Variants in SEPTIN14 observed in about 807,000 individuals in gnomAD.
The protein encoded by SEPTIN14 is septin-14.
A neutral mutation model predicts 53.6 loss-of-function variants in SEPTIN14; 40 were observed. That is an observed-to-expected ratio of 0.75 (90% CI 0.58 to 0.97). The LOEUF is 0.97. Ranked by LOEUF, SEPTIN14 falls within the 50% of genes least tolerant of loss-of-function variation. The pLI, the probability that SEPTIN14 is intolerant of heterozygous loss-of-function variation, is 0.00. For synonymous variants in SEPTIN14, 138 were observed against 166.8 expected, an observed-to-expected ratio of 0.83 and a Z score of 1.33; for missense variants, 471 against 508.2, an observed-to-expected ratio of 0.93 and a Z score of 0.70.
chr7:55,811,496 C>CTT (rs1170803437), intron 7 of SEPTIN14: 1,930 of 180,466 alleles, frequency 0.011, 2 homozygotes, highest in East Asian at 0.024. Context: ...TTTTACAGTT[C>CTT]TTTTTTTTTT....
rs562666630 is a variant in SEPTIN14 at position 55,806,709 on chromosome 7, C to T, written c.986+381G>A. On this transcript the variant is annotated intron_variant, in intron 8 of 9. Coordinates refer to ENST00000388975, the MANE Select transcript of SEPTIN14 (RefSeq NM_207366.3). ...AATACCTGACCTTAGATGATCCGCC[C>T]GCCTCAGCCTCCCAAAGTGCTGGGA... Among the ~76,000 whole-genome samples the T allele has an allele frequency of 4.0e-5, 6 of 150,314 alleles. No individual in the cohort carries two copies. In the East Asian group the frequency reaches 8.0e-4, roughly 20 times the overall value.
chr7:55,857,655 T>C (rs1433881225), intron 2 of SEPTIN14, among the ~76,000 whole-genome samples: 1 of 131,330 alleles, frequency 7.6e-6, no homozygotes, highest in East Asian at 2.7e-4. Flanking sequence ...TGGCACGATC[T>C]CGGCTCACTG....
At chr7:55,845,541 A>C (rs937770494) in intron 3 of SEPTIN14, among the ~76,000 whole-genome samples, 4 of 152,188 alleles carry the variant, frequency 2.6e-5, no homozygotes, top group Non-Finnish European at 4.4e-5. Flanking sequence ...CAAGAGAGTT[A>C]ATTTCAAATG....
chr7:55,819,078 A>C (rs1788844986), intron 7 of SEPTIN14, 49 bp downstream of exon 7: 2 of 974,046 alleles, frequency 2.1e-6, no homozygotes, highest in Non-Finnish European at 3.2e-6. Context: ...TGAGTGATAC[A>C]CATATATTTA....
intron 6 of SEPTIN14, among the ~76,000 whole-genome samples, chr7:55,833,616 G>A (rs188580415): frequency 1.3e-5 from 2 of 151,892 alleles, no homozygotes; most frequent in African/African-American, 2.4e-5. Flanking sequence ...GCTGAGGCAG[G>A]AGAATCACTT....
intron 9 of SEPTIN14, among the ~76,000 whole-genome samples, chr7:55,796,706 G>A (rs555613787): frequency 6.6e-6 from 1 of 152,154 alleles, no homozygotes; most frequent in South Asian, 2.1e-4. Context: ...CTTGAGTCCA[G>A]GAGTTCAAGA....
rs771499064 is a variant in SEPTIN14, at chr7:55,844,591, G to T, written c.303C>A (p.Ser101Arg). Residue 101 changes from serine (S) to arginine (R), a missense_variant, in exon 4 of 10, where the codon AGC becomes AGA. Coordinates refer to ENST00000388975, the MANE Select transcript of SEPTIN14 (RefSeq NM_207366.3). ...LQIQTYELQE[S>R]NVQLKLTVVE... Reference sequence around the variant, plus strand: ...CAACAGTCAATTTCAACTGAACATTGCTTTCCTGAAGTTCATATGTCTGAA... The same window carrying T: ...CAACAGTCAATTTCAACTGAACATTTCTTTCCTGAAGTTCATATGTCTGAA... 6.2e-7 allele frequency: 1 copy of T among 1,609,248 alleles called. No homozygotes were observed.
At chr7:55,814,271 T>A (rs996701811) in intron 7 of SEPTIN14, among the ~76,000 whole-genome samples, 3 of 152,010 alleles carry the variant, frequency 2.0e-5, no homozygotes. Flanking sequence ...ACAATAAATA[T>A]CTAACTCTTC....
Position 55,835,765 on chromosome 7 carries a change from C to T in SEPTIN14, c.559-1179G>A, listed in dbSNP as rs897948223. Among the ~76,000 whole-genome samples the T allele has an allele frequency of 6.6e-5, 10 of 151,956 alleles. No homozygotes were observed. In the South Asian group the frequency reaches 1.2e-3, roughly 19 times the overall value. ...TACCATATTCTTTCTTTTTTTGAGG[C>T]GGAATCTTGCTCTGTCGCCCAGGCT... On this transcript the variant is annotated intron_variant, in intron 5 of 9. Coordinates refer to ENST00000388975, the MANE Select transcript of SEPTIN14 (RefSeq NM_207366.3).
chr7:55,809,722 A>G (rs1408273777), intron 7 of SEPTIN14, among the ~76,000 whole-genome samples: 1 of 150,224 alleles, frequency 6.7e-6, no homozygotes, highest in Non-Finnish European at 1.5e-5. Flanking sequence ...CATGCAATTT[A>G]TCTATATAAC....
intron 2 of SEPTIN14, among the ~76,000 whole-genome samples, chr7:55,858,990 C>T (rs1194461390): frequency 1.3e-5 from 2 of 151,622 alleles, no homozygotes; most frequent in East Asian, 2.0e-4. Flanking sequence ...GTCCAGTTTT[C>T]AGCCTCCAAA....
intron 5 of SEPTIN14, among the ~76,000 whole-genome samples, chr7:55,834,887 C>T (rs370743538): frequency 6.6e-6 from 1 of 152,212 alleles, no homozygotes; most frequent in South Asian, 2.1e-4. Context: ...CCTCGTGATC[C>T]GCCTGCCCCG....
At position 55,832,770 on chromosome 7, in the gene SEPTIN14, G is replaced by A. The variant is rs117020009; in HGVS notation, c.720+1655C>T. On this transcript the variant is annotated intron_variant, in intron 6 of 9. Coordinates refer to ENST00000388975, the MANE Select transcript of SEPTIN14 (RefSeq NM_207366.3). ...GGGAGAGACTGGGAGGAGGCCGATG[G>A]TCAAAATATTATCTATTGGTAGTGA... Among the ~76,000 whole-genome samples the A allele has an allele frequency of 5.6e-3, 848 of 152,122 alleles. 5 individuals carry two copies. The highest frequency in any genetic ancestry group is 0.012 in the Admixed American group (181 of 15,264).
intron 5 of SEPTIN14, among the ~76,000 whole-genome samples, chr7:55,837,816 C>G (rs539227317): frequency 2.0e-5 from 3 of 152,336 alleles, no homozygotes; most frequent in Non-Finnish European, 4.4e-5. Context: ...CTCCTGACCT[C>G]AGGTGATCTA....
intron 9 of SEPTIN14, chr7:55,798,417 C>A: frequency 4.1e-6 from 1 of 246,898 alleles, no homozygotes; most frequent in South Asian, 5.4e-5. Flanking sequence ...CTGGGCCCCT[C>A]AGGGGAGCCC....
chr7:55,847,133 G>A (rs1181167323), intron 2 of SEPTIN14, among the ~76,000 whole-genome samples: 2 of 152,016 alleles, frequency 1.3e-5, no homozygotes, highest in African/African-American at 4.8e-5. Context: ...ACTTCAACCC[G>A]GGAGGGGGAG....
chr7:55,853,547 T>G (rs894517645), intron 2 of SEPTIN14, among the ~76,000 whole-genome samples: 15 of 151,994 alleles, frequency 9.9e-5, no homozygotes, highest in Middle Eastern at 3.4e-3. Flanking sequence ...GTGGGGGTGG[T>G]GAGGGGATGG....
At chr7:55,806,861 C>T (rs1788617857) in intron 8 of SEPTIN14, among the ~76,000 whole-genome samples, 1 of 152,112 alleles carries the variant, frequency 6.6e-6, no homozygotes, top group African/African-American at 2.4e-5. Context: ...AGCATATATA[C>T]ATATTGAATA....
At chr7:55,807,050 A>G in intron 8 of SEPTIN14, 40 bp downstream of exon 8, 1 of 1,469,394 alleles carries the variant, frequency 6.8e-7, no homozygotes, top group Non-Finnish European at 9.2e-7. Flanking sequence ...AGGGACTCCT[A>G]AATTATCCAT....
Sources: gnomAD v4.1 joint callset for allele counts (sites outside exome capture counted in the v4.1 genomes callset) on GRCh38, gnomAD v4.1.1 for gene constraint, MANE v1.5 for transcripts, NCBI Gene and HGNC (gene_info 2026-07-23, HGNC 2026-07-21) for gene names.